Variants in BBS2 observed in about 807,000 individuals in gnomAD.
BBS2 encodes Bardet-Biedl syndrome 2, also known as BBSome complex member BBS2.
BBS2 carries 62 observed loss-of-function variants against 83.0 expected under a neutral mutation model. The ratio of observed to expected loss-of-function variants is 0.75; its 90% CI spans 0.61 to 0.92. BBS2 has a LOEUF of 0.92. Among genes scored for constraint, BBS2 ranks in the 40% least tolerant of loss-of-function variants. The pLI is 0.00. For missense variants in BBS2, 784 were observed against 901.0 expected (o/e 0.87, Z 1.66); for synonymous variants, 303 against 326.1 (o/e 0.93, Z 0.76).
intron 17 of BBS2, chr16:56,475,019 T>C: frequency 6.6e-7 from 1 of 1,522,380 alleles, no homozygotes; most frequent in Non-Finnish European, 9.0e-7. Flanking sequence ...AGGGACCCTT[T>C]CCAGCTGAAC....
In BBS2 at chr16:56,500,804, C is replaced by T. The variant is rs1248767302; in HGVS notation, c.1397+50G>A. On this transcript the variant is annotated intron_variant, in intron 11 of 16. Coordinates refer to ENST00000245157, the MANE Select transcript of BBS2 (RefSeq NM_031885.5). ...GCATATGGAAAATTTATACATCTTGCCCTCCTCTAAGTGCTGTCCTGAAAT... is the reference window on the plus strand; with the variant it reads ...GCATATGGAAAATTTATACATCTTGTCCTCCTCTAAGTGCTGTCCTGAAAT... The T allele has an allele frequency of 1.9e-6, 3 of 1,593,628 alleles. No individual in the cohort carries two copies. The East Asian group carries it at 6.7e-5, about 36-fold the overall frequency.
At chr16:56,510,998 A>C (rs1183349523) in intron 3 of BBS2, 77 bp from the exon 4 acceptor site, 11 of 1,573,716 alleles carry the variant, frequency 7.0e-6, no homozygotes, top group Non-Finnish European at 7.9e-6. Flanking sequence ...CATGAAGGAG[A>C]GGATTACACA....
At position 56,519,989 on chromosome 16, in the gene BBS2, G is replaced by C; in HGVS notation, c.-127C>G. 1.2e-6 allele frequency: 1 copy of C among 821,508 alleles called. No homozygotes were observed. The highest frequency in any genetic ancestry group is 2.0e-6 in the Non-Finnish European group (1 of 488,792). 50.9% of individuals were successfully genotyped at this position (821,508 alleles called of 1,614,324 possible). On this transcript the variant is annotated 5_prime_UTR_variant, in exon 1 of 17. Transcript: ENST00000245157. Reference sequence around the variant, plus strand: ...GCCCCAGCCGCCTCAGGCCGGACGCGAAACAGCCCGGGACGAACCCGTCCA... The same window carrying C: ...GCCCCAGCCGCCTCAGGCCGGACGCCAAACAGCCCGGGACGAACCCGTCCA...
chr16:56,498,524 A>G lies in BBS2; in HGVS notation c.1572T>C (p.Thr524=). 6.2e-7 allele frequency: 1 copy of G among 1,614,118 alleles called. No homozygotes were observed. Among genetic ancestry groups the G allele is most frequent in the African/African-American group, 1.3e-5 (1 of 75,044 alleles). ...CTTGAAATGGAGCATTCTGAATGTG[A>G]GTGTCTTCTGGTAACAGAAAGTTCT... ...LGQNFLLPED[T]HIQNAPFQVC... The change falls in exon 13 of 17, where the codon ACT becomes ACC. Residue 524 remains threonine, a synonymous_variant. Coordinates refer to ENST00000245157, the MANE Select transcript of BBS2 (RefSeq NM_031885.5).
intron 7 of BBS2, among the ~76,000 whole-genome samples, chr16:56,504,050 A>G (rs1321645274): frequency 6.6e-6 from 1 of 152,240 alleles, no homozygotes; most frequent in Admixed American, 6.5e-5. Context: ...GTCTTTTCAT[A>G]AACAATCTTC....
chr16:56,480,707 A>G (rs971738049), downstream of BBS2, among the ~76,000 whole-genome samples: 4 of 152,186 alleles, frequency 2.6e-5, no homozygotes, highest in Non-Finnish European at 5.9e-5. Context: ...CTGCTTCAAC[A>G]CCATGACATA....
chr16:56,488,524 G>C (rs550883394), intron 15 of BBS2, among the ~76,000 whole-genome samples: 1 of 151,952 alleles, frequency 6.6e-6, no homozygotes, highest in Admixed American at 6.6e-5. Flanking sequence ...TGCATAGAAC[G>C]AAGTATTAGG....
At chr16:56,516,706 T>A (rs542991138) in intron 1 of BBS2, among the ~76,000 whole-genome samples, 3 of 152,236 alleles carry the variant, frequency 2.0e-5, no homozygotes, top group Admixed American at 2.0e-4. Flanking sequence ...AGATTCCTTT[T>A]AAAAAAATAT....
At chr16:56,496,430 T>C (rs1473963694) in intron 15 of BBS2, among the ~76,000 whole-genome samples, 1 of 152,230 alleles carries the variant, frequency 6.6e-6, no homozygotes, top group Non-Finnish European at 1.5e-5. Context: ...ATCTCTTCCC[T>C]GAATTTATAT....
At position 56,476,080 on chromosome 16, in the gene BBS2, T is replaced by C. The variant is rs771153787; in HGVS notation, c.*1-5385A>G. ...GAATCCAGAAAGCAATTCTTTGGCA[T>C]TGGTCTACAGAGACAGAGAGACTCT... is the stretch of plus-strand genomic sequence containing the variant. On this transcript the variant is annotated intron_variant, in intron 17 of 17. Transcript: ENST00000682047. 66 of 1,613,174 alleles carry C rather than the reference T, an allele frequency of 4.1e-5. No homozygotes were observed. The South Asian group carries it at 6.9e-4, about 17-fold the overall frequency.
intron 4 of BBS2, 23 bp from the exon 5 acceptor site, chr16:56,510,057 G>T: frequency 6.2e-7 from 1 of 1,608,844 alleles, no homozygotes. Context: ...TATCATACAT[G>T]TTCAGGTGAG....
In BBS2 at chr16:56,510,744, A is replaced by G. The variant is rs146606382; in HGVS notation, c.534+115T>C. The G allele has an allele frequency of 4.6e-3, 4,948 of 1,086,192 alleles. 70 individuals carry two copies. Among genetic ancestry groups the G allele is most frequent in the South Asian group, 0.023 (1,858 of 80,140 alleles). The allele number at this position is 1,086,192 out of a possible 1,614,324, so 67.3% of individuals were successfully genotyped here. The stretch of plus-strand genomic sequence containing the variant: ...GGCCAACTGGCTGAGCATTTAGGCA[A>G]CAGAGCACCAAAATCAGCCAGGAGA... On this transcript the variant is annotated intron_variant, in intron 4 of 16. Coordinates refer to ENST00000245157, the MANE Select transcript of BBS2 (RefSeq NM_031885.5).
Position 56,476,147 on chromosome 16 carries a change from A to G in BBS2, c.*1-5452T>C, listed in dbSNP as rs1294625374. 11 of 1,613,674 alleles carry G rather than the reference A, an allele frequency of 6.8e-6. No homozygotes were observed. Among genetic ancestry groups the G allele is most frequent in the South Asian group, 1.1e-5 (1 of 91,074 alleles). On this transcript the variant is annotated intron_variant, in intron 17 of 17. Transcript: ENST00000682047. ...ATTAACCACCGAAGCCTGGAACAAA[A>G]GAAAACCTTCCCAAACAGAACAGGT...
rs745981400 is a variant in BBS2, at chr16:56,502,650, G to A, written c.940+23C>T. On this transcript the variant is annotated intron_variant, in intron 8 of 16. Transcript: ENST00000245157. ...TCAAATGGAAAACGTGACTTTTTAA[G>A]GATTTTTCTCATCCCAATTTACTTT... 2.5e-6 allele frequency: 4 copies of A among 1,613,954 alleles called. No individual in the cohort carries two copies. The East Asian group carries it at 8.9e-5, about 36-fold the overall frequency.
rs776115321 is a variant in BBS2, at chr16:56,502,715, C to A, written c.898G>T (p.Asp300Tyr). The A allele has an allele frequency of 2.5e-6, 4 of 1,614,058 alleles. No individual in the cohort carries two copies. The highest frequency in any genetic ancestry group is 3.3e-5 in the Admixed American group (2 of 59,994). Reference protein sequence around the residue: ...AGVVEGDYRMDGHIQLICCSV... With the variant: ...AGVVEGDYRMYGHIQLICCSV... ...CAGCAGATTAACTGTATGTGGCCATCCATCCGGTAATCTCCCTCTACCACA... is the reference window on the plus strand; with the variant it reads ...CAGCAGATTAACTGTATGTGGCCATACATCCGGTAATCTCCCTCTACCACA... Residue 300 changes from aspartate to tyrosine, a missense_variant, in exon 8 of 17, where the codon GAT becomes TAT. Coordinates refer to ENST00000245157, the MANE Select transcript of BBS2 (RefSeq NM_031885.5).
rs1250423040 is a variant in BBS2 at position 56,514,639 on chromosome 16, A to C, written c.159T>G (p.Ser53Arg). The change falls in exon 2 of 17, where the codon AGT becomes AGG. Residue 53 changes from serine to arginine, a missense_variant. By Grantham distance (110) the Ser-to-Arg change is moderately radical. Transcript: ENST00000245157. ...HNPHTRNQHVSASRVFQSPLE... is the reference protein window; with the variant it reads ...HNPHTRNQHVRASRVFQSPLE... ...GGGGGCTCTGGAAGACCCTGGATGCACTGACATGCTGGTTCCGTGTATGAG... is the reference window on the plus strand; with the variant it reads ...GGGGGCTCTGGAAGACCCTGGATGCCCTGACATGCTGGTTCCGTGTATGAG... 9.9e-6 allele frequency: 16 copies of C among 1,614,018 alleles called. No individual in the cohort carries two copies. The highest frequency in any genetic ancestry group is 1.4e-5 in the Non-Finnish European group (16 of 1,179,982).
Position 56,506,150 on chromosome 16 carries a change from A to G in BBS2, c.687T>C (p.Tyr229=). Residue 229 remains tyrosine (Y), a synonymous_variant, in exon 6 of 17, where the codon TAT becomes TAC. Coordinates refer to ENST00000245157, the MANE Select transcript of BBS2 (RefSeq NM_031885.5). Reference sequence around the variant, plus strand: ...TTCTCCAGTATCGGGATGTTTTGTCATAAACTCCAACTGTGCCATTGGAAA... The same window carrying G: ...TTCTCCAGTATCGGGATGTTTTGTCGTAAACTCCAACTGTGCCATTGGAAA... ...YALSNGTVGV[Y]DKTSRYWRIK... is the part of the protein sequence containing the mutation. 6.2e-7 allele frequency: 1 copy of G among 1,614,064 alleles called. No homozygotes were observed. Among genetic ancestry groups the G allele is most frequent in the Non-Finnish European group, 8.5e-7 (1 of 1,179,944 alleles).
In BBS2 at chr16:56,490,127, C is replaced by T. The variant is rs528845594; in HGVS notation, c.1911-4389G>A. On this transcript the variant is annotated intron_variant, in intron 15 of 16. Coordinates refer to ENST00000245157, the MANE Select transcript of BBS2 (RefSeq NM_031885.5). ...AGACCCTATCTCACACACACACACA[C>T]GCACACACACACACACACACACAAA... Among the ~76,000 whole-genome samples the T allele has an allele frequency of 8.0e-3, 1,000 of 125,548 alleles. 6 individuals are homozygous for T. The highest frequency in any genetic ancestry group is 0.018 in the Admixed American group (222 of 12,502). The allele number at this position is 125,548 out of a possible 152,430, so 82.4% of individuals were successfully genotyped here. A position where few individuals can be genotyped will look rare whatever the true frequency, so the allele number is the denominator to read the frequency against.
rs1425852509 is a variant in BBS2, at chr16:56,501,454, C to T, written c.1124G>A (p.Gly375Asp). ...GAGCCTGGTATTGGCTGGGATTATG[C>T]CCCGATGCCCATCAGCCTCGTTCAG... Reference protein sequence around the residue: ...SPLNEADGHRGIIPANTRLHT... With the variant: ...SPLNEADGHRDIIPANTRLHT... Residue 375 changes from glycine to aspartate, a missense_variant, in exon 10 of 17, where the codon GGC becomes GAC. By Grantham distance (94) the Gly-to-Asp change is moderately conservative (BLOSUM62 -1). Coordinates refer to ENST00000245157, the MANE Select transcript of BBS2 (RefSeq NM_031885.5). 6.2e-7 allele frequency: 1 copy of T among 1,614,098 alleles called. No individual in the cohort carries two copies. The highest frequency in any genetic ancestry group is 8.5e-7 in the Non-Finnish European group (1 of 1,180,006).
Sources: gnomAD v4.1 joint callset for allele counts (sites outside exome capture counted in the v4.1 genomes callset) on GRCh38, gnomAD v4.1.1 for gene constraint, MANE v1.5 for transcripts, NCBI Gene and HGNC (gene_info 2026-07-23, HGNC 2026-07-21) for gene names.